The following SLC9A2 variants were observed in gnomAD, a reference collection of about 807,000 sequenced individuals.
SLC9A2 encodes the protein solute carrier family 9 member A2.
SLC9A2 carries 42 observed loss-of-function variants against 71.7 expected under a neutral mutation model. That is an observed-to-expected ratio of 0.59 (90% confidence interval 0.46 to 0.76). The LOEUF is 0.76. Among genes scored for constraint, SLC9A2 ranks in the 30% least tolerant of loss-of-function variants. The pLI is 0.00. For missense variants in SLC9A2, 829 were observed against 1,017.4 expected (o/e 0.81, Z 2.52); for synonymous variants, 396 against 392.5 (o/e 1.01, Z -0.10).
At position 102,709,057 on chromosome 2, in the gene SLC9A2, GCAAA is replaced by G. The variant is rs1235866471; in HGVS notation, c.*572_*575del. 6.5e-6 allele frequency: 1 copy of G among 153,292 alleles called. No homozygotes were observed. 9.5% of individuals were successfully genotyped at this position (153,292 alleles called of 1,614,324 possible). The stretch of plus-strand genomic sequence containing the variant: ...AGAGACACCTTATGACTCAAACTGG[GCAAA>G]CAATCGGAACGTCATGCAGAAGGAA... On this transcript the variant is annotated 3_prime_UTR_variant, in exon 12 of 12. Transcript: ENST00000233969.
chr2:102,705,046 CA>C (rs761210744), intron 10 of SLC9A2, among the ~76,000 whole-genome samples: 33 of 148,636 alleles, frequency 2.2e-4, no homozygotes, highest in Admixed American at 1.0e-3. Context: ...TACTAAAATA[CA>C]AAAAAAAAAT....
At chr2:102,629,079 C>A (rs764204826) in intron 1 of SLC9A2, among the ~76,000 whole-genome samples, 5 of 152,028 alleles carry the variant, frequency 3.3e-5, no homozygotes, top group African/African-American at 7.2e-5. Flanking sequence ...TTTCTAATTA[C>A]GGTGTTAAAA....
In SLC9A2 at chr2:102,704,456, G is replaced by T. The variant is rs551903733; in HGVS notation, c.1846-88G>T. 4.0e-4 allele frequency: 530 copies of T among 1,340,940 alleles called. No homozygotes were observed. In the African/African-American group the frequency reaches 6.5e-3, roughly 16 times the overall value. The allele number at this position is 1,340,940 out of a possible 1,614,324, so 83.1% of individuals were successfully genotyped here. A position where few individuals can be genotyped will look rare whatever the true frequency, so the allele number is the denominator to read the frequency against. ...TGCTTAGCTGAGGTGCAGATCCAAA[G>T]AAATGTGGTAAAGTCTTGGAATTTC... On this transcript the variant is annotated intron_variant, in intron 9 of 11. Transcript: ENST00000233969.
rs558257798 is a variant in SLC9A2 at position 102,668,610 on chromosome 2, C to T, written c.1004+3260C>T. 3.3e-4 allele frequency among the ~76,000 whole-genome samples: 51 copies of T among 152,320 alleles called. No homozygotes were observed. The South Asian group carries it at 3.7e-3, about 11-fold the overall frequency. On this transcript the variant is annotated intron_variant, in intron 3 of 11. Transcript: ENST00000233969. ...GGTTAATGAGAGTGAAGGCATCTGA[C>T]GTACTGAGAATGCTCAGGACTTTCC...
intron 1 of SLC9A2, 144 bp downstream of exon 1, chr2:102,620,281 T>G: frequency 1.5e-6 from 1 of 673,768 alleles, no homozygotes; most frequent in Non-Finnish European, 2.4e-6. Flanking sequence ...CAGCTTCTTC[T>G]GGTTGAAAAG....
chr2:102,626,433 A>G (rs1221617287), intron 1 of SLC9A2, among the ~76,000 whole-genome samples: 1 of 152,234 alleles, frequency 6.6e-6, no homozygotes, highest in Non-Finnish European at 1.5e-5. Context: ...AAGATGGATT[A>G]AAGACTTAAA....
rs1676098846 is a variant in SLC9A2 at position 102,619,804 on chromosome 2, C to T, written c.-45C>T. ...GCCCGGGCGCGATGCGTTGAGCGCT[C>T]GGAGGGCCAACCGCCGGTCCCCTTG... On this transcript the variant is annotated 5_prime_UTR_variant, in exon 1 of 12. Transcript: ENST00000233969. The surrounding 1 kb of genome is among the most constrained non-coding windows in gnomAD (Gnocchi z 4.3). The T allele has an allele frequency of 1.4e-6, 2 of 1,447,080 alleles. No homozygotes were observed. Among genetic ancestry groups the T allele is most frequent in the Non-Finnish European group, 1.8e-6 (2 of 1,101,232 alleles). 89.6% of individuals were successfully genotyped at this position (1,447,080 alleles called of 1,614,324 possible). A position where few individuals can be genotyped will look rare whatever the true frequency, so the allele number is the denominator to read the frequency against.
intron 1 of SLC9A2, among the ~76,000 whole-genome samples, chr2:102,648,911 A>G (rs2104513537): frequency 6.6e-6 from 1 of 152,344 alleles, no homozygotes; most frequent in South Asian, 2.1e-4. Context: ...ATACTGCCCA[A>G]AGTAATTTAT....
intron 3 of SLC9A2, among the ~76,000 whole-genome samples, chr2:102,668,167 T>A (rs1677178817): frequency 6.6e-6 from 1 of 152,330 alleles, no homozygotes; most frequent in East Asian, 1.9e-4. Context: ...TTACCAGTGA[T>A]GTAAACATTT....
rs577412247 is a variant in SLC9A2, at chr2:102,708,499, C to A, written c.*10C>A. 37 of 1,609,454 alleles carry A rather than the reference C, an allele frequency of 2.3e-5. 1 individual carries two copies. The South Asian group carries it at 3.5e-4, about 15-fold the overall frequency. ...GAGTGAGAAGCCTTAAGAGAAGCAGCGAAAGCAGATCTGAGTGTCTGACCC... is the reference window on the plus strand; with the variant it reads ...GAGTGAGAAGCCTTAAGAGAAGCAGAGAAAGCAGATCTGAGTGTCTGACCC... On this transcript the variant is annotated 3_prime_UTR_variant, in exon 12 of 12. Transcript: ENST00000233969.
intron 1 of SLC9A2, among the ~76,000 whole-genome samples, chr2:102,651,857 A>T (rs1676840774): frequency 6.6e-6 from 1 of 152,218 alleles, no homozygotes; most frequent in South Asian, 2.1e-4. Flanking sequence ...ATCATATATA[A>T]TGCCTCAATA....
intron 3 of SLC9A2, among the ~76,000 whole-genome samples, chr2:102,671,748 A>G (rs6729839): frequency 0.088 from 13,433 of 152,212 alleles, 1,416 homozygotes; most frequent in African/African-American, 0.25. Flanking sequence ...CAATAGGGTG[A>G]CCACCAGCCT....
Position 102,665,247 on chromosome 2 carries a change from C to T in SLC9A2, c.901C>T (p.Arg301Ter), listed in dbSNP as rs753614939. Residue 301 changes from arginine (R) to a stop codon, truncating the protein, a stop_gained, in exon 3 of 12, where the codon CGA becomes TGA. Coordinates refer to ENST00000233969, the MANE Select transcript of SLC9A2 (RefSeq NM_003048.6). LOFTEE classifies it high-confidence loss of function. ...FLGFIAAFTT[R>*]FTHNIRVIEP... ...GGGCTTTATAGCGGCATTTACTACT[C>T]GATTCACCCATAATATCCGAGTGAT... 3.7e-6 allele frequency: 6 copies of T among 1,613,938 alleles called. No homozygotes were observed. The highest frequency in any genetic ancestry group is 1.1e-5 in the South Asian group (1 of 91,076).
rs1677745247 is a variant in SLC9A2, at chr2:102,695,773, ATATATTAT to A, written c.1586+661_1586+668del. ...GAAATAACGTGTATATATATATAAT[ATATATTAT>A]ATATATATTATATATATATTATATA... On this transcript the variant is annotated intron_variant, in intron 7 of 11. Coordinates refer to ENST00000233969, the MANE Select transcript of SLC9A2 (RefSeq NM_003048.6). 7.0e-3 allele frequency among the ~76,000 whole-genome samples: 190 copies of A among 27,024 alleles called. 1 individual carries two copies. Among genetic ancestry groups the A allele is most frequent in the African/African-American group, 0.014 (137 of 9,928 alleles). The allele number at this position is 27,024 out of a possible 152,430, so 17.7% of individuals were successfully genotyped here.
At chr2:102,675,862 A>C (rs1677337627) in intron 3 of SLC9A2, among the ~76,000 whole-genome samples, 1 of 152,200 alleles carries the variant, frequency 6.6e-6, no homozygotes, top group Non-Finnish European at 1.5e-5. Flanking sequence ...TCCTCTTTGC[A>C]AGCCTCTGCC....
chr2:102,655,635 C>T (rs1199073121), intron 1 of SLC9A2, among the ~76,000 whole-genome samples: 2 of 152,206 alleles, frequency 1.3e-5, no homozygotes, highest in African/African-American at 2.4e-5. Flanking sequence ...GAACCACCAT[C>T]ATATATGTGG....
At chr2:102,623,074 A>G (rs920978815) in intron 1 of SLC9A2, among the ~76,000 whole-genome samples, 1 of 152,094 alleles carries the variant, frequency 6.6e-6, no homozygotes, top group African/African-American at 2.4e-5. Context: ...TTTAGCCCAG[A>G]TATGTTTATA....
At chr2:102,646,168 T>C (rs2104511551) in intron 1 of SLC9A2, among the ~76,000 whole-genome samples, 1 of 152,310 alleles carries the variant, frequency 6.6e-6, no homozygotes, top group Admixed American at 6.5e-5. Flanking sequence ...AAGAAAAGAA[T>C]TTTCCAACCC....
intron 3 of SLC9A2, among the ~76,000 whole-genome samples, chr2:102,680,529 G>A (rs893818754): frequency 6.6e-6 from 1 of 152,064 alleles, no homozygotes. Flanking sequence ...TCAAGTCAGT[G>A]TGACAGAGCT....
Sources: allele counts gnomAD v4.1 joint callset (sites outside exome capture counted in the v4.1 genomes callset), GRCh38; gene constraint gnomAD v4.1.1; non-coding constraint Gnocchi (gnomAD v3.1); transcripts MANE v1.5; gene names NCBI Gene and HGNC (gene_info 2026-07-23, HGNC 2026-07-21).